OOEP: variants seen among roughly 807,000 people sequenced by gnomAD.
OOEP encodes oocyte expressed protein.
Under a neutral mutation model 13.7 loss-of-function variants are expected in OOEP, and 16 were observed. The ratio of observed to expected loss-of-function variants is 1.16; its 90% CI spans 0.79 to 1.77. OOEP has a LOEUF of 1.77. OOEP is among the 40% of genes most tolerant of loss of function. The pLI is 0.00. For synonymous variants in OOEP, 89 were observed against 77.1 expected (o/e 1.15, Z -0.81); for missense variants, 195 against 193.1 (o/e 1.01, Z -0.06).
In OOEP at chr6:73,376,344, GTTTTTTTTTTT is replaced by G. The variant is rs70994194; in HGVS notation, c.26-6970_26-6960del. Among the ~76,000 whole-genome samples the G allele has an allele frequency of 9.4e-4, 97 of 103,522 alleles. No individual in the cohort carries two copies. In the East Asian group the frequency reaches 0.013, roughly 14 times the overall value. The allele number at this position is 103,522 out of a possible 152,430, so 67.9% of individuals were successfully genotyped here. A position where few individuals can be genotyped will look rare whatever the true frequency, so the allele number is the denominator to read the frequency against. On this transcript the variant is annotated intron_variant, in intron 2 of 3. Coordinates refer to the OOEP transcript ENST00000370363. ...TCGCAGCTGTTTTGGACAAGGGGTT[GTTTTTTTTTTT>G]TTTTTTTTTTTTTTTTTGAATACAA... is the stretch of plus-strand genomic sequence containing the variant.
exon 2 of OOEP, chr6:73,394,351 T>C (rs1333638683): frequency 1.4e-6 from 1 of 715,642 alleles, no homozygotes; most frequent in Admixed American, 2.0e-5. Flanking sequence ...CTTACCTTTA[T>C]GGGTCACGGT....
At chr6:73,387,863 T>A (rs1769295730) in intron 2 of OOEP, 1 of 152,172 alleles carries the variant, frequency 6.6e-6, no homozygotes, top group Non-Finnish European at 1.5e-5. Flanking sequence ...TCTGACAACA[T>A]TAGAATTTTA....
At chr6:73,373,647 A>G (rs550931682), upstream of OOEP, among the ~76,000 whole-genome samples, 10 of 152,242 alleles carry the variant, frequency 6.6e-5, no homozygotes, top group South Asian at 2.1e-4. Flanking sequence ...CTGGAGTGCA[A>G]TGGCGAATCT....
chr6:73,373,819 C>T (rs1769097486), upstream of OOEP, among the ~76,000 whole-genome samples: 1 of 152,032 alleles, frequency 6.6e-6, no homozygotes, highest in Non-Finnish European at 1.5e-5. Flanking sequence ...GAACTCCTGA[C>T]CTCAGGTGAT....
At chr6:73,386,977 G>C in intron 2 of OOEP, among the ~76,000 whole-genome samples, 2 of 30,880 alleles carry the variant, frequency 6.5e-5, no homozygotes, top group South Asian at 1.5e-3. Context: ...TTCCATCTCA[G>C]AAAAAAAAAA....
chr6:73,394,620 G>T, intron 1 of OOEP: 1 of 328,454 alleles, frequency 3.0e-6, no homozygotes, highest in Admixed American at 4.6e-5. Flanking sequence ...ACACAGTGGG[G>T]GGGTGGGGGG....
chr6:73,377,843 A>T (rs545703465), intron 2 of OOEP, among the ~76,000 whole-genome samples: 1 of 152,194 alleles, frequency 6.6e-6, no homozygotes, highest in Non-Finnish European at 1.5e-5. Context: ...AATATTTTTT[A>T]AAATTATGTT....
intron 2 of OOEP, among the ~76,000 whole-genome samples, chr6:73,378,315 G>C (rs1298620565): frequency 6.6e-6 from 1 of 151,618 alleles, no homozygotes; most frequent in East Asian, 2.0e-4. Context: ...ATGTTGGCCA[G>C]GCTGGTCTTG....
chr6:73,378,126 A>G (rs1215449735), intron 2 of OOEP, among the ~76,000 whole-genome samples: 1 of 149,704 alleles, frequency 6.7e-6, no homozygotes, highest in Non-Finnish European at 1.5e-5. Context: ...TTTTTGAGAT[A>G]GTATCTCACT....
chr6:73,373,059 C>T (rs939036916), upstream of OOEP: 25 of 1,431,150 alleles, frequency 1.7e-5, no homozygotes, highest in African/African-American at 7.0e-5. Context: ...GTAACATGAT[C>T]GTGACCTTCA....
rs1768997072 is a variant in OOEP, at chr6:73,368,822, C to T, written c.412G>A (p.Ala138Thr). 1 of 1,613,666 alleles carries T rather than the reference C, an allele frequency of 6.2e-7. No homozygotes were observed. Among genetic ancestry groups the T allele is most frequent in the African/African-American group, 1.3e-5 (1 of 75,046 alleles). The stretch of plus-strand genomic sequence containing the variant: ...TCCTGGGGAGAGTGGGGGTCTGATG[C>T]ATGGGCCTTCAAGTTCTTCTCAAGG... ...KHLEKNLKAH[A>T]SDPHSPQDPV... The change falls in exon 3 of 3, where the codon GCA becomes ACA. Residue 138 changes from alanine (A) to threonine (T), a missense_variant. Transcript: ENST00000370359.
chr6:73,380,298 AG>A, intron 2 of OOEP, among the ~76,000 whole-genome samples: 1 of 136,008 alleles, frequency 7.4e-6, no homozygotes, highest in Non-Finnish European at 1.5e-5. Context: ...CCCAGGCTGG[AG>A]TGTGGTGGTG....
chr6:73,395,093 C>G (rs1490393742), exon 1 of OOEP: 1 of 1,614,172 alleles, frequency 6.2e-7, no homozygotes, highest in East Asian at 2.2e-5. Flanking sequence ...GCCGTGGCCG[C>G]TGGTCACGAG....
At chr6:73,393,121 T>C (rs1215060549) in intron 2 of OOEP, among the ~76,000 whole-genome samples, 1 of 151,878 alleles carries the variant, frequency 6.6e-6, no homozygotes, top group Non-Finnish European at 1.5e-5. Flanking sequence ...AAAAATTTTT[T>C]TTTTTTGAGA....
intron 2 of OOEP, among the ~76,000 whole-genome samples, chr6:73,384,490 C>G (rs1489525395): frequency 6.6e-6 from 1 of 152,138 alleles, no homozygotes; most frequent in Non-Finnish European, 1.5e-5. Flanking sequence ...AAAGAAACAA[C>G]TACAGACCAA....
At chr6:73,378,607 A>G (rs1432786918) in intron 2 of OOEP, among the ~76,000 whole-genome samples, 2 of 151,978 alleles carry the variant, frequency 1.3e-5, no homozygotes, top group Non-Finnish European at 2.9e-5. Context: ...TCAGGCCTGT[A>G]ATCCCAGCAC....
intron 2 of OOEP, chr6:73,391,516 G>A (rs1014916999): frequency 6.5e-6 from 1 of 153,060 alleles, no homozygotes; most frequent in Non-Finnish European, 1.5e-5. Flanking sequence ...GTTCTCCTTG[G>A]AGGAGAGGAA....
At chr6:73,373,204 A>G, upstream of OOEP, 7 of 1,612,758 alleles carry the variant, frequency 4.3e-6, no homozygotes, top group South Asian at 6.6e-5. Flanking sequence ...GAATGGGACG[A>G]TTTTGCTTTT....
Position 73,369,881 on chromosome 6 carries a change from C to T in OOEP, c.-89G>A. ...GCGCGAAGCTCGGGCTCTCTTTTACCATATTCGACCCGCTCCGCCCCTTCC... is the reference window on the plus strand; with the variant it reads ...GCGCGAAGCTCGGGCTCTCTTTTACTATATTCGACCCGCTCCGCCCCTTCC... On this transcript the variant is annotated 5_prime_UTR_variant, in exon 1 of 3. The change abolishes an upstream ATG in the 5' untranslated region. Transcript: ENST00000370359. The T allele has an allele frequency of 5.6e-6, 7 of 1,248,376 alleles. No homozygotes were observed. The highest frequency in any genetic ancestry group is 7.9e-6 in the Non-Finnish European group (7 of 882,536). 77.3% of individuals were successfully genotyped at this position (1,248,376 alleles called of 1,614,324 possible).
Sources: allele counts gnomAD v4.1 joint callset (sites outside exome capture counted in the v4.1 genomes callset), GRCh38; gene constraint gnomAD v4.1.1; transcripts MANE v1.5; gene names NCBI Gene and HGNC (gene_info 2026-07-23, HGNC 2026-07-21).